The following SYT14 variants were observed in gnomAD, a reference collection of about 807,000 sequenced individuals.
SYT14 encodes the protein synaptotagmin 14, also known as synaptotagmin-14.
SYT14 carries 32 observed loss-of-function variants against 74.2 expected under a neutral mutation model. That is an observed-to-expected ratio of 0.43 (90% CI 0.33 to 0.58). The LOEUF is 0.58. SYT14 is among the 20% of genes least tolerant of loss of function. SYT14 has a pLI of 0.05. For synonymous variants in SYT14, 298 were observed against 337.7 expected (o/e 0.88, Z 1.29); for missense variants, 791 against 981.8 (o/e 0.81, Z 2.60).
chr1:209,970,326 C>T (rs2079228871), intron 2 of SYT14, among the ~76,000 whole-genome samples: 1 of 151,992 alleles, frequency 6.6e-6, no homozygotes, highest in Non-Finnish European at 1.5e-5. Flanking sequence ...GTGTCCTTTC[C>T]CCAGTGTATG....
intron 2 of SYT14, among the ~76,000 whole-genome samples, chr1:209,974,099 A>T (rs1367446948): frequency 1.3e-5 from 2 of 151,806 alleles, no homozygotes; most frequent in Non-Finnish European, 1.5e-5. Flanking sequence ...TCATTGTAGA[A>T]TCTGGATATT....
chr1:210,040,734 G>A (rs1382943583), intron 5 of SYT14, among the ~76,000 whole-genome samples: 2 of 152,108 alleles, frequency 1.3e-5, no homozygotes, highest in African/African-American at 2.4e-5. Context: ...AAGTCATTTA[G>A]TCAGGAATCC....
chr1:210,153,240 C>T (rs951410923), intron 7 of SYT14, among the ~76,000 whole-genome samples: 1 of 152,116 alleles, frequency 6.6e-6, no homozygotes, highest in South Asian at 2.1e-4. Context: ...TTGTCCTCAC[C>T]ACATTTGGTA....
At chr1:210,149,168 ATTATAGCAGGAATTTT>A (rs1315635418) in intron 7 of SYT14, among the ~76,000 whole-genome samples, 1 of 147,946 alleles carries the variant, frequency 6.8e-6, no homozygotes, top group Non-Finnish European at 1.5e-5. Context: ...ATAAATTTTG[ATTATAGCAGGAATTTT>A]TTTTTTTTTT....
intron 2 of SYT14, among the ~76,000 whole-genome samples, chr1:210,006,434 A>AT (rs1268726886): frequency 6.6e-6 from 1 of 151,944 alleles, no homozygotes; most frequent in African/African-American, 2.4e-5. Flanking sequence ...AAATTATAGC[A>AT]TTTTTCTGAT....
At chr1:209,969,776 G>A (rs967619945) in intron 2 of SYT14, among the ~76,000 whole-genome samples, 2 of 151,974 alleles carry the variant, frequency 1.3e-5, no homozygotes, top group African/African-American at 4.8e-5. Context: ...ACCGTGCCTG[G>A]CCCTCATTGT....
chr1:209,953,059 T>C (rs746168318), intron 2 of SYT14: 319 of 1,351,894 alleles, frequency 2.4e-4, no homozygotes, highest in Non-Finnish European at 3.0e-4. Context: ...TTTCAGAATC[T>C]GGAATCTGAG....
chr1:210,109,470 C>T (rs1029324236), intron 7 of SYT14, among the ~76,000 whole-genome samples: 8 of 151,416 alleles, frequency 5.3e-5, no homozygotes, highest in Admixed American at 1.3e-4. Context: ...CCCAGCTATT[C>T]GGGACGCTGA....
At chr1:210,016,540 A>G (rs1338627745) in exon 4 of SYT14, 1 of 1,231,860 alleles carries the variant, frequency 8.1e-7, no homozygotes, top group Non-Finnish European at 1.0e-6. Context: ...CAATTGGAGT[A>G]GGAATTTCCA....
chr1:209,963,465 A>T (rs1294977098), intron 2 of SYT14, among the ~76,000 whole-genome samples: 3 of 152,188 alleles, frequency 2.0e-5, no homozygotes, highest in African/African-American at 7.2e-5. Flanking sequence ...AGGCAGAGGA[A>T]TGGGATATAT....
At chr1:210,141,030 G>T (rs2082903068) in intron 7 of SYT14, among the ~76,000 whole-genome samples, 1 of 137,480 alleles carries the variant, frequency 7.3e-6, no homozygotes, top group African/African-American at 2.9e-5. Context: ...TTTTAGGATT[G>T]ACTTCTTTGT....
intron 5 of SYT14, among the ~76,000 whole-genome samples, chr1:210,070,115 C>A (rs57082045): frequency 1.3e-5 from 2 of 151,958 alleles, no homozygotes; most frequent in Admixed American, 1.3e-4. Flanking sequence ...TGTTTTTATT[C>A]TTTTCATGTT....
chr1:210,059,443 T>TAGAGAGAGAGAGAG (rs1356440193), intron 5 of SYT14, among the ~76,000 whole-genome samples: 10 of 96,204 alleles, frequency 1.0e-4, no homozygotes, highest in Admixed American at 3.1e-4. Flanking sequence ...TATATATATA[T>TAGAGAGAGAGAGAG]ATATATATAG....
At chr1:210,009,952 C>T (rs972621012) in intron 2 of SYT14, among the ~76,000 whole-genome samples, 1 of 152,036 alleles carries the variant, frequency 6.6e-6, no homozygotes, top group Non-Finnish European at 1.5e-5. Flanking sequence ...AACTCTTCTT[C>T]TTTCTTATCC....
At chr1:210,118,967 T>C (rs888703581) in intron 7 of SYT14, among the ~76,000 whole-genome samples, 1 of 152,166 alleles carries the variant, frequency 6.6e-6, no homozygotes, top group African/African-American at 2.4e-5. Flanking sequence ...TGGGCAAATA[T>C]GTTTTAAAAC....
At chr1:210,077,286 G>A (rs2102466662) in intron 5 of SYT14, among the ~76,000 whole-genome samples, 1 of 152,168 alleles carries the variant, frequency 6.6e-6, no homozygotes, top group South Asian at 2.1e-4. Context: ...CAGGTCTCAG[G>A]AGTACTCACT....
intron 2 of SYT14, among the ~76,000 whole-genome samples, chr1:209,996,173 G>A (rs1332484264): frequency 2.6e-5 from 4 of 152,034 alleles, no homozygotes. Context: ...CCATACAAAA[G>A]ATCAATGAAA....
intron 8 of SYT14, among the ~76,000 whole-genome samples, chr1:210,158,593 C>T (rs751324892): frequency 2.6e-5 from 4 of 152,106 alleles, no homozygotes; most frequent in Non-Finnish European, 5.9e-5. Context: ...TCTGGCCAAG[C>T]GCAGGGTTGG....
intron 7 of SYT14, among the ~76,000 whole-genome samples, chr1:210,116,947 C>A (rs577864242): frequency 2.0e-5 from 3 of 152,076 alleles, no homozygotes; most frequent in Admixed American, 6.5e-5. Flanking sequence ...TACTAAGAAT[C>A]TTTTATAACC....
Sources: allele counts gnomAD v4.1 joint callset (sites outside exome capture counted in the v4.1 genomes callset), GRCh38; gene constraint gnomAD v4.1.1; transcripts MANE v1.5; gene names NCBI Gene and HGNC (gene_info 2026-07-23, HGNC 2026-07-21).